DUS2: variants seen among roughly 807,000 people sequenced by gnomAD.
The protein encoded by DUS2 is dihydrouridine synthase 2.
A neutral mutation model predicts 71.3 loss-of-function variants in DUS2; 52 were observed. The observed-to-expected ratio is 0.73, with a 90% CI of 0.58 to 0.92. The LOEUF is 0.92. Among genes scored for constraint, DUS2 ranks in the 40% least tolerant of loss-of-function variants. The pLI, the probability that DUS2 is intolerant of heterozygous loss-of-function variation, is 0.00. For missense variants in DUS2, 558 were observed against 622.6 expected (o/e 0.90, Z 1.10); for synonymous variants, 204 against 227.8 (o/e 0.90, Z 0.94).
intron 1 of DUS2, among the ~76,000 whole-genome samples, chr16:68,024,831 CTT>C (rs568848831): frequency 7.2e-4 from 95 of 132,190 alleles, no homozygotes; most frequent in Admixed American, 9.9e-4. Flanking sequence ...TGGCTGGATA[CTT>C]TTTTTTTTTT....
At chr16:68,074,790 T>G (rs1256479061) in intron 13 of DUS2, among the ~76,000 whole-genome samples, 1 of 152,230 alleles carries the variant, frequency 6.6e-6, no homozygotes, top group Non-Finnish European at 1.5e-5. Context: ...CGTTTGAGTC[T>G]TCCAGCCTTC....
chr16:68,071,952 A>G (rs2034093050), intron 12 of DUS2, among the ~76,000 whole-genome samples: 1 of 152,226 alleles, frequency 6.6e-6, no homozygotes, highest in Non-Finnish European at 1.5e-5. Context: ...CACTTGCCTT[A>G]TCTCTTTGGC....
intron 8 of DUS2, among the ~76,000 whole-genome samples, chr16:68,065,740 A>G (rs2033996469): frequency 6.6e-6 from 1 of 152,164 alleles, no homozygotes; most frequent in Admixed American, 6.5e-5. Context: ...CAGCCTCTCA[A>G]AGTGTTGGGA....
At position 68,038,072 on chromosome 16, in the gene DUS2, G is replaced by A; in HGVS notation, c.49G>A (p.Ala17Thr). Residue 17 changes from alanine to threonine, a missense_variant, in exon 3 of 17, where the codon GCC becomes ACC. Physicochemically the swap from Ala to Thr is moderately conservative, Grantham distance 58. Transcript: ENST00000565263. Reference sequence around the variant, plus strand: ...GTGTTACCATAATAAGCTAATCCTGGCCCCAATGGTTCGGGTAGGGACTCT... The same window carrying A: ...GTGTTACCATAATAAGCTAATCCTGACCCCAATGGTTCGGGTAGGGACTCT... ...SLCYHNKLIL[A>T]PMVRVGTLPM... The A allele has an allele frequency of 6.2e-7, 1 of 1,613,794 alleles. No homozygotes were observed. The highest frequency in any genetic ancestry group is 8.5e-7 in the Non-Finnish European group (1 of 1,179,918).
At chr16:68,033,332 T>C (rs1023420950) in intron 2 of DUS2, among the ~76,000 whole-genome samples, 13 of 152,084 alleles carry the variant, frequency 8.5e-5, no homozygotes, top group African/African-American at 2.9e-4. Flanking sequence ...ATGTGGGGAA[T>C]GTGGGTTAAG....
intron 4 of DUS2, 151 bp from the exon 5 acceptor site, chr16:68,053,413 T>C: frequency 1.5e-6 from 1 of 668,306 alleles, no homozygotes; most frequent in Non-Finnish European, 2.6e-6. Context: ...AAGCCTCCCA[T>C]GTGCATAGTT....
In DUS2 at chr16:68,061,223, C is replaced by A. The variant is rs985784261; in HGVS notation, c.417+110C>A. ...AGATTTACTGATGTCCACCCAGTTT[C>A]TCTCCCTGAGGCCTAGCGATTTCCA... is the stretch of plus-strand genomic sequence containing the variant. On this transcript the variant is annotated intron_variant, in intron 8 of 16. Coordinates refer to ENST00000565263, the MANE Select transcript of DUS2 (RefSeq NM_017803.5). The A allele has an allele frequency of 3.5e-5, 43 of 1,218,350 alleles. No homozygotes were observed. In the African/African-American group the frequency reaches 5.9e-4, roughly 17 times the overall value. The allele number at this position is 1,218,350 out of a possible 1,614,324, so 75.5% of individuals were successfully genotyped here.
intron 3 of DUS2, among the ~76,000 whole-genome samples, chr16:68,039,412 CCT>C (rs1391467356): frequency 6.6e-6 from 1 of 151,800 alleles, no homozygotes; most frequent in African/African-American, 2.4e-5. Context: ...ATAGCGAGAC[CCT>C]GTTTCTATTT....
chr16:68,073,141 A>C (rs1262233833), intron 12 of DUS2, among the ~76,000 whole-genome samples: 1 of 152,198 alleles, frequency 6.6e-6, no homozygotes, highest in Non-Finnish European at 1.5e-5. Context: ...GGGCTCCCGC[A>C]CTTCGAGACC....
chr16:68,070,030 G>C (rs2034060980), intron 10 of DUS2, 104 bp from the exon 11 acceptor site: 1 of 1,020,224 alleles, frequency 9.8e-7, no homozygotes, highest in African/African-American at 1.6e-5. Flanking sequence ...TGACCTTCCT[G>C]AGGTTCAGTG....
At chr16:68,045,408 C>A (rs2033685583) in intron 3 of DUS2, among the ~76,000 whole-genome samples, 1 of 151,504 alleles carries the variant, frequency 6.6e-6, no homozygotes, top group South Asian at 2.1e-4. Flanking sequence ...GAGTTTGAGA[C>A]CAGCCTGGCC....
At chr16:68,054,714 C>T in intron 6 of DUS2, 97 bp downstream of exon 6, 1 of 1,404,674 alleles carries the variant, frequency 7.1e-7, no homozygotes, top group Non-Finnish European at 1.0e-6. Context: ...CACCCTTCTG[C>T]CTTCTAGCCC....
chr16:68,076,777 C>A, intron 15 of DUS2, 58 bp downstream of exon 15: 1 of 1,464,652 alleles, frequency 6.8e-7, no homozygotes, highest in East Asian at 2.3e-5. Flanking sequence ...ATGGCTTACA[C>A]CCTCAACTCT....
intron 1 of DUS2, among the ~76,000 whole-genome samples, chr16:68,024,188 C>T (rs2033307287): frequency 6.6e-6 from 1 of 151,814 alleles, no homozygotes; most frequent in South Asian, 2.1e-4. Flanking sequence ...CCTCCACCTC[C>T]TGGGTTCAGG....
In DUS2 at chr16:68,071,106, T is replaced by C. The variant is rs750698673; in HGVS notation, c.808T>C (p.Tyr270His). The change falls in exon 12 of 17, where the codon TAC (tyrosine) becomes CAC (histidine). Residue 270 changes from tyrosine (Y) to histidine (H), a missense_variant and splice_region_variant. Tyr to His is a moderately conservative substitution (Grantham distance 83, BLOSUM62 2). Transcript: ENST00000565263. ...LEEVMQKYIR[Y>H]AVQYDNHYTN... The stretch of plus-strand genomic sequence containing the variant: ...GGAGGTCATGCAGAAATACATCAGA[T>C]ACGTACGTCTCTGTACTTTTTCAAA... 1.9e-6 allele frequency: 3 copies of C among 1,614,056 alleles called. No individual in the cohort carries two copies. The highest frequency in any genetic ancestry group is 2.5e-6 in the Non-Finnish European group (3 of 1,179,988).
rs1231323001 is a variant in DUS2 at position 68,053,586 on chromosome 16, T to C, written c.195T>C (p.Phe65=). The C allele has an allele frequency of 1.2e-6, 2 of 1,614,112 alleles. No individual in the cohort carries two copies. Among genetic ancestry groups the C allele is most frequent in the Non-Finnish European group, 1.7e-6 (2 of 1,180,044 alleles). ...VVNEVLSTVD[F]VAPDDRVVFR... Reference sequence around the variant, plus strand: ...CAGAGGTGCTCAGCACAGTGGACTTTGTCGCCCCTGATGATCGAGTTGTCT... The same window carrying C: ...CAGAGGTGCTCAGCACAGTGGACTTCGTCGCCCCTGATGATCGAGTTGTCT... Residue 65 remains phenylalanine, a synonymous_variant, in exon 5 of 17, where the codon TTT becomes TTC. Coordinates refer to ENST00000565263, the MANE Select transcript of DUS2 (RefSeq NM_017803.5).
intron 7 of DUS2, among the ~76,000 whole-genome samples, chr16:68,058,135 G>A (rs1399013528): frequency 6.6e-6 from 1 of 152,012 alleles, no homozygotes; most frequent in Non-Finnish European, 1.5e-5. Context: ...GAGGTTTGTC[G>A]AGTGGGAGAT....
rs367952818 is a variant in DUS2, at chr16:68,073,055, A to T, written c.811-979A>T. 1.6e-3 allele frequency among the ~76,000 whole-genome samples: 240 copies of T among 152,316 alleles called. 2 individuals are homozygous for T. Among genetic ancestry groups the T allele is most frequent in the African/African-American group, 5.1e-3 (211 of 41,578 alleles). ...TTCCTGGCACTGGACCTGCCATGCC[A>T]GAATTTGGTGTGTTTCCCCTCCCTT... On this transcript the variant is annotated intron_variant, in intron 12 of 16. Coordinates refer to ENST00000565263, the MANE Select transcript of DUS2 (RefSeq NM_017803.5).
intron 3 of DUS2, among the ~76,000 whole-genome samples, chr16:68,047,126 G>T (rs2033714834): frequency 6.8e-6 from 1 of 146,078 alleles, no homozygotes; most frequent in African/African-American, 2.6e-5. Context: ...TGCGGTCTTG[G>T]CTCACTGCAA....
Sources: gnomAD v4.1 joint callset for allele counts (sites outside exome capture counted in the v4.1 genomes callset) on GRCh38, gnomAD v4.1.1 for gene constraint, MANE v1.5 for transcripts, NCBI Gene and HGNC (gene_info 2026-07-23, HGNC 2026-07-21) for gene names.